Variants in STIM1 observed in about 807,000 individuals in gnomAD.
The protein encoded by STIM1 is stromal interaction molecule 1.
Under a neutral mutation model 74.7 loss-of-function variants are expected in STIM1, and 25 were observed. The ratio of observed to expected loss-of-function variants is 0.33; its 90% CI spans 0.24 to 0.47. The LOEUF (loss-of-function observed/expected upper bound fraction) is 0.47. Ranked by LOEUF, STIM1 falls within the 20% of genes least tolerant of loss-of-function variation. STIM1 has a pLI of 1.00. For synonymous variants in STIM1, 328 were observed against 348.8 expected, an observed-to-expected ratio of 0.94 and a Z score of 0.66; for missense variants, 728 against 920.8, an observed-to-expected ratio of 0.79 and a Z score of 2.71.
intron 10 of STIM1, 78 bp downstream of exon 10, chr11:4,083,576 T>C: frequency 2.9e-6 from 4 of 1,367,300 alleles, no homozygotes; most frequent in Non-Finnish European, 4.1e-6. Flanking sequence ...CTGTTGTGCT[T>C]AAACAGCAGA....
chr11:3,989,912 A>G (rs1298087937), intron 2 of STIM1, among the ~76,000 whole-genome samples: 5 of 152,208 alleles, frequency 3.3e-5, no homozygotes, highest in Non-Finnish European at 7.3e-5. Flanking sequence ...GAATTCACAT[A>G]CCGTGCAATT....
In STIM1 at chr11:3,921,563, G is replaced by A. The variant is rs138621120; in HGVS notation, c.140-45989G>A. The stretch of plus-strand genomic sequence containing the variant: ...TGGTAAGATGTGTGTGCTCCACAGT[G>A]GGTACTGTCACATTCTTTGCCAAAC... On this transcript the variant is annotated intron_variant, in intron 1 of 12. Coordinates refer to ENST00000526596, the MANE Select transcript of STIM1 (RefSeq NM_001382567.1). Among the ~76,000 whole-genome samples, 858 of 152,262 alleles carry A rather than the reference G, an allele frequency of 5.6e-3. 4 individuals are homozygous for A. Among genetic ancestry groups the A allele is most frequent in the Non-Finnish European group, 9.1e-3 (620 of 68,026 alleles).
In STIM1 at chr11:4,084,737, G is replaced by A. The variant is rs1329953228; in HGVS notation, c.1539G>A (p.Ser513=). 27 of 1,289,236 alleles carry A rather than the reference G, an allele frequency of 2.1e-5. 1 individual carries two copies. The highest frequency in any genetic ancestry group is 2.1e-4 in the Middle Eastern group (1 of 4,710). The allele number at this position is 1,289,236 out of a possible 1,614,324, so 79.9% of individuals were successfully genotyped here. Reference sequence around the variant, plus strand: ...CTCTCTGCTCTACATCCGCCGGCTCGGATGATCAGTCCCTCTGGAAATACC... The same window carrying A: ...CTCTCTGCTCTACATCCGCCGGCTCAGATGATCAGTCCCTCTGGAAATACC... ...DRSLCSTSAG[S]DDQSLWKYPA... is the part of the protein sequence containing the mutation. The change falls in exon 11 of 13, where the codon TCG becomes TCA. Residue 513 remains serine (S), a synonymous_variant. Coordinates refer to ENST00000526596, the MANE Select transcript of STIM1 (RefSeq NM_001382567.1).
At chr11:3,929,850 C>G (rs537598724) in intron 1 of STIM1, among the ~76,000 whole-genome samples, 51 of 152,308 alleles carry the variant, frequency 3.3e-4, no homozygotes, top group African/African-American at 1.2e-3. Context: ...TTACAGACAA[C>G]AGTCCTGTGC....
At chr11:4,002,186 A>G (rs1408463942) in intron 2 of STIM1, among the ~76,000 whole-genome samples, 3 of 148,810 alleles carry the variant, frequency 2.0e-5, no homozygotes, top group Non-Finnish European at 4.5e-5. Context: ...AACGAGACAG[A>G]AAGTTAACAA....
At chr11:3,873,563 G>A (rs1472441146) in intron 1 of STIM1, among the ~76,000 whole-genome samples, 1 of 151,826 alleles carries the variant, frequency 6.6e-6, no homozygotes, top group Non-Finnish European at 1.5e-5. Flanking sequence ...TACTGTGTCT[G>A]GCCATGTGTT....
At chr11:3,885,374 A>G (rs1164156127) in intron 1 of STIM1, among the ~76,000 whole-genome samples, 1 of 151,854 alleles carries the variant, frequency 6.6e-6, no homozygotes, top group African/African-American at 2.4e-5. Context: ...TTTTGTAGAG[A>G]CAGGGTTTTG....
intron 2 of STIM1, among the ~76,000 whole-genome samples, chr11:3,971,650 C>T (rs1590612235): frequency 6.6e-6 from 1 of 152,332 alleles, no homozygotes; most frequent in African/African-American, 2.4e-5. Context: ...ACAGTTACTA[C>T]ACCTGTGACT....
intron 1 of STIM1, among the ~76,000 whole-genome samples, chr11:3,871,479 A>G (rs748006245): frequency 2.6e-5 from 4 of 152,114 alleles, no homozygotes; most frequent in African/African-American, 4.8e-5. Context: ...GGCTGTGGTT[A>G]TGTCAGCTCT....
At position 4,074,811 on chromosome 11, in the gene STIM1, C is replaced by T. The variant is rs138143815; in HGVS notation, c.969+132C>T. On this transcript the variant is annotated intron_variant, in intron 7 of 12. Coordinates refer to ENST00000526596, the MANE Select transcript of STIM1 (RefSeq NM_001382567.1). ...AAGACTATGTTCTAGAGTCACTGGA[C>T]TCTTACCAACAATAAGAGTTCAAGT... The T allele has an allele frequency of 6.3e-4, 642 of 1,014,494 alleles. 6 individuals carry two copies. The African/African-American group carries it at 9.0e-3, about 14-fold the overall frequency. 62.8% of individuals were successfully genotyped at this position (1,014,494 alleles called of 1,614,324 possible). A position where few individuals can be genotyped will look rare whatever the true frequency, so the allele number is the denominator to read the frequency against.
At chr11:4,045,762 C>CTTTT (rs35939527) in intron 3 of STIM1, among the ~76,000 whole-genome samples, 113 of 104,382 alleles carry the variant, frequency 1.1e-3, no homozygotes, top group Non-Finnish European at 1.6e-3. Flanking sequence ...CTCAACACTT[C>CTTTT]TTTTTTTTTT....
At chr11:4,070,324 C>A in intron 6 of STIM1, 121 bp downstream of exon 6, 1 of 1,142,846 alleles carries the variant, frequency 8.8e-7, no homozygotes, top group Non-Finnish European at 1.3e-6. Flanking sequence ...CAGGCTGCAT[C>A]ATCCTTCCAA....
At chr11:3,964,181 C>T (rs999165994) in intron 1 of STIM1, among the ~76,000 whole-genome samples, 5 of 152,152 alleles carry the variant, frequency 3.3e-5, no homozygotes, top group African/African-American at 1.2e-4. Flanking sequence ...ACTCTAAGTC[C>T]AGGCTTTTTC....
intron 3 of STIM1, among the ~76,000 whole-genome samples, chr11:4,039,854 G>T (rs2094134776): frequency 6.6e-6 from 1 of 151,912 alleles, no homozygotes; most frequent in South Asian, 2.1e-4. Context: ...TGCAACCTCT[G>T]CCTCCCAGGT....
rs540140207 is a variant in STIM1, at chr11:4,059,263, T to A, written c.498-18T>A. 1.1e-5 allele frequency: 17 copies of A among 1,607,930 alleles called. No individual in the cohort carries two copies. In the South Asian group the frequency reaches 1.5e-4, roughly 15 times the overall value. On this transcript the variant is annotated intron_variant, in intron 4 of 12. Coordinates refer to ENST00000526596, the MANE Select transcript of STIM1 (RefSeq NM_001382567.1). ...CTTTACTGGGAGGGAACTGATCTGC[T>A]ACTCTTTGCCTCAACAGGCTGGCTG...
chr11:3,943,054 A>G (rs879356581), intron 1 of STIM1, among the ~76,000 whole-genome samples: 1 of 151,856 alleles, frequency 6.6e-6, no homozygotes, highest in Non-Finnish European at 1.5e-5. Flanking sequence ...CCCCAAGGCA[A>G]CTCTTCTGCT....
At chr11:3,924,911 C>CT (rs1410528384) in intron 1 of STIM1, among the ~76,000 whole-genome samples, 2 of 152,080 alleles carry the variant, frequency 1.3e-5, no homozygotes, top group African/African-American at 2.4e-5. Context: ...AAGACAGTTC[C>CT]TTTTTTATTT....
At chr11:3,997,853 G>A (rs866454346) in intron 2 of STIM1, among the ~76,000 whole-genome samples, 6 of 152,178 alleles carry the variant, frequency 3.9e-5, no homozygotes, top group South Asian at 2.1e-4. Flanking sequence ...AGCTTTAAAA[G>A]CTTTCAAAGA....
intron 2 of STIM1, among the ~76,000 whole-genome samples, chr11:4,000,323 G>A (rs1410472825): frequency 6.6e-6 from 1 of 151,174 alleles, no homozygotes; most frequent in Non-Finnish European, 1.5e-5. Context: ...CAGCCTAACT[G>A]GGAGGCACCC....
Sources: allele counts gnomAD v4.1 joint callset (sites outside exome capture counted in the v4.1 genomes callset), GRCh38; gene constraint gnomAD v4.1.1; transcripts MANE v1.5; gene names NCBI Gene and HGNC (gene_info 2026-07-23, HGNC 2026-07-21).